MAML3: variants seen among roughly 807,000 people sequenced by gnomAD.
The protein encoded by MAML3 is mastermind-like protein 3.
MAML3 carries 27 observed loss-of-function variants against 101.9 expected under a neutral mutation model. The ratio of observed to expected loss-of-function variants is 0.27; its 90% CI spans 0.20 to 0.37. The LOEUF (loss-of-function observed/expected upper bound fraction) is 0.37. MAML3 is among the 10% of genes least tolerant of loss of function. MAML3 has a pLI of 1.00. For synonymous variants in MAML3, 501 were observed against 555.9 expected (o/e 0.90, Z 1.39); for missense variants, 1,316 against 1,444.9 (o/e 0.91, Z 1.45).
intron 2 of MAML3, among the ~76,000 whole-genome samples, chr4:139,887,485 C>G (rs545022355): frequency 6.6e-6 from 1 of 152,316 alleles, no homozygotes; most frequent in Admixed American, 6.5e-5. Flanking sequence ...AAAACATGAC[C>G]TCTGCAGCTA....
chr4:139,730,920 G>A (rs1227068571), intron 2 of MAML3: 18 of 555,170 alleles, frequency 3.2e-5, no homozygotes, highest in Non-Finnish European at 5.5e-5. Flanking sequence ...AGTCTGTTTC[G>A]GATGGGACTG....
rs1158917106 is a variant in MAML3, at chr4:139,785,788, G to T, written c.2080-55121C>A. ...GTCCTTGATTGGCAAGTGAGCAGGG[G>T]GCAGCTTGTGGTTTGGAAGCTTCTC... On this transcript the variant is annotated intron_variant, in intron 2 of 4. Coordinates refer to ENST00000509479, the MANE Select transcript of MAML3 (RefSeq NM_018717.5). This position sits in a 1 kb window ranked among gnomAD's most constrained non-coding sequence, Gnocchi z 4.3. Among the ~76,000 whole-genome samples, 1 of 152,134 alleles carries T rather than the reference G, an allele frequency of 6.6e-6. No homozygotes were observed. The highest frequency in any genetic ancestry group is 1.5e-5 in the Non-Finnish European group (1 of 68,022).
Position 139,719,346 on chromosome 4 carries a change from C to G in MAML3, c.3394G>C (p.Asp1132His). 1.3e-6 allele frequency: 2 copies of G among 1,597,008 alleles called. No individual in the cohort carries two copies. Among genetic ancestry groups the G allele is most frequent in the Non-Finnish European group, 1.7e-6 (2 of 1,169,442 alleles). The change falls in exon 5 of 5, where the codon GAT (aspartate) becomes CAT (histidine). Residue 1132 changes from aspartate (D) to histidine (H), a missense_variant. Coordinates refer to ENST00000509479, the MANE Select transcript of MAML3 (RefSeq NM_018717.5). Reference protein sequence around the residue: ...GPGDEWMQELDELFGNP With the variant: ...GPGDEWMQELHELFGNP ...GATTAGGGGTTACCAAACAATTCAT[C>G]AAGCTCCTGCATCCACTCGTCCCCT...
intron 4 of MAML3, among the ~76,000 whole-genome samples, chr4:139,721,484 A>C (rs769187696): frequency 2.4e-4 from 36 of 152,338 alleles, no homozygotes; most frequent in Middle Eastern, 3.4e-3. Context: ...CCCACCTGGA[A>C]CTGTGATGAG....
At chr4:139,924,893 G>A (rs1176398871) in intron 1 of MAML3, among the ~76,000 whole-genome samples, 3 of 152,098 alleles carry the variant, frequency 2.0e-5, no homozygotes, top group Admixed American at 2.0e-4. Flanking sequence ...AATGCTTCAT[G>A]AGAAATAAAA....
At position 140,011,337 on chromosome 4, in the gene MAML3, G is replaced by GT. The variant is rs1394373852; in HGVS notation, c.469-120371dup. On this transcript the variant is annotated intron_variant, in intron 1 of 4. Transcript: ENST00000509479. ...GATTGGTTTTACTCAAGGTTTTCTTGTTTTGTTTTTTTTTTTTTGAGACGG... is the reference window on the plus strand; with the variant it reads ...GATTGGTTTTACTCAAGGTTTTCTTGTTTTTGTTTTTTTTTTTTTGAGACGG... 9.1e-5 allele frequency among the ~76,000 whole-genome samples: 10 copies of GT among 109,812 alleles called. 1 individual carries two copies. Among genetic ancestry groups the GT allele is most frequent in the Admixed American group, 2.2e-4 (2 of 8,892 alleles). The allele number at this position is 109,812 out of a possible 152,430, so 72.0% of individuals were successfully genotyped here. A position where few individuals can be genotyped will look rare whatever the true frequency, so the allele number is the denominator to read the frequency against.
At chr4:139,989,674 C>T (rs1052118082) in intron 1 of MAML3, among the ~76,000 whole-genome samples, 2 of 152,128 alleles carry the variant, frequency 1.3e-5, no homozygotes, top group African/African-American at 4.8e-5. Flanking sequence ...TCTTCCTACC[C>T]AGGTGTTTTT....
In MAML3 at chr4:139,720,105, T is replaced by G; in HGVS notation, c.2635A>C (p.Thr879Pro). 6.2e-7 allele frequency: 1 copy of G among 1,614,102 alleles called. No homozygotes were observed. The highest frequency in any genetic ancestry group is 8.5e-7 in the Non-Finnish European group (1 of 1,179,916). Residue 879 changes from threonine (T) to proline (P), a missense_variant, in exon 5 of 5, where the codon ACC becomes CCC. By Grantham distance (38) the Thr-to-Pro change is conservative. Coordinates refer to ENST00000509479, the MANE Select transcript of MAML3 (RefSeq NM_018717.5). Reference protein sequence around the residue: ...PGMYNMSTGMTQMLQHPNQSG... With the variant: ...PGMYNMSTGMPQMLQHPNQSG... Reference sequence around the variant, plus strand: ...TGGTTTGGATGCTGCAACATTTGGGTCATGCCTGTGCTCATATTGTACATT... The same window carrying G: ...TGGTTTGGATGCTGCAACATTTGGGGCATGCCTGTGCTCATATTGTACATT...
rs1444416982 is a variant in MAML3, at chr4:139,864,927, T to G, written c.2079+24430A>C. 1.2e-3 allele frequency among the ~76,000 whole-genome samples: 156 copies of G among 131,030 alleles called. 7 individuals are homozygous for G. The highest frequency in any genetic ancestry group is 3.5e-3 in the Middle Eastern group (1 of 282). 86.0% of individuals were successfully genotyped at this position (131,030 alleles called of 152,430 possible). A position where few individuals can be genotyped will look rare whatever the true frequency, so the allele number is the denominator to read the frequency against. On this transcript the variant is annotated intron_variant, in intron 2 of 4. Transcript: ENST00000509479. ...GAAAATAGTAATGCAAACTTGCTTTTTTTTTTTTTTTTTTTTTTTTTTTTT... is the reference window on the plus strand; with the variant it reads ...GAAAATAGTAATGCAAACTTGCTTTGTTTTTTTTTTTTTTTTTTTTTTTTT...
chr4:139,846,468 C>T (rs142373214), intron 2 of MAML3, among the ~76,000 whole-genome samples: 116 of 152,262 alleles, frequency 7.6e-4, no homozygotes, highest in African/African-American at 2.7e-3. Flanking sequence ...CTACCTCAGC[C>T]TCCCAAGTAG....
intron 2 of MAML3, among the ~76,000 whole-genome samples, chr4:139,845,314 T>C (rs537442014): frequency 1.3e-5 from 2 of 152,264 alleles, no homozygotes; most frequent in Admixed American, 1.3e-4. Context: ...AGGCTCAATG[T>C]GGACATGGGA....
intron 1 of MAML3, among the ~76,000 whole-genome samples, chr4:140,079,123 G>A (rs1727824724): frequency 6.6e-6 from 1 of 152,162 alleles, no homozygotes; most frequent in African/African-American, 2.4e-5. Flanking sequence ...CCACTGGTAA[G>A]GAGACCTCTG....
chr4:139,791,392 G>C (rs553631188), intron 2 of MAML3, among the ~76,000 whole-genome samples: 1 of 151,702 alleles, frequency 6.6e-6, no homozygotes. Flanking sequence ...AGCTACTCTC[G>C]GGAGGCTGAA....
chr4:139,921,376 T>C (rs985113731), intron 1 of MAML3, among the ~76,000 whole-genome samples: 19 of 152,164 alleles, frequency 1.2e-4, no homozygotes, highest in Non-Finnish European at 7.3e-5. Context: ...TACCCTCTCC[T>C]GAGCTGCTCA....
rs879442030 is a variant in MAML3, at chr4:140,096,258, G to A, written c.468+56602C>T. On this transcript the variant is annotated intron_variant, in intron 1 of 4. Coordinates refer to ENST00000509479, the MANE Select transcript of MAML3 (RefSeq NM_018717.5). ...TGAAGATGATGACGGTGACAATGAC[G>A]TCAACCAGGACAGGAAACTGGAGAT... 5.1e-4 allele frequency among the ~76,000 whole-genome samples: 78 copies of A among 152,274 alleles called. 1 individual carries two copies. The highest frequency in any genetic ancestry group is 1.0e-3 in the Non-Finnish European group (68 of 68,008).
chr4:139,895,354 T>G (rs752161789), intron 1 of MAML3, among the ~76,000 whole-genome samples: 3 of 152,238 alleles, frequency 2.0e-5, no homozygotes. Context: ...CCATTTTGTT[T>G]CCAGTAGCTC....
chr4:140,042,331 G>T (rs1226787142), intron 1 of MAML3, among the ~76,000 whole-genome samples: 1 of 152,166 alleles, frequency 6.6e-6, no homozygotes, highest in African/African-American at 2.4e-5. Context: ...CCTCACAGTT[G>T]TCCCTCCCCT....
intron 1 of MAML3, among the ~76,000 whole-genome samples, chr4:139,962,936 G>A (rs1734047937): frequency 6.6e-6 from 1 of 152,090 alleles, no homozygotes; most frequent in African/African-American, 2.4e-5. Context: ...GGAGACTACA[G>A]CCAGGTAAAG....
chr4:140,066,596 G>A (rs1467831698), intron 1 of MAML3, among the ~76,000 whole-genome samples: 1 of 152,120 alleles, frequency 6.6e-6, no homozygotes, highest in African/African-American at 2.4e-5. Context: ...TTCCAATTTA[G>A]TTCAGAATAC....
Sources: gnomAD v4.1 joint callset for allele counts (sites outside exome capture counted in the v4.1 genomes callset) on GRCh38, gnomAD v4.1.1 for gene constraint, Gnocchi (gnomAD v3.1) non-coding constraint, MANE v1.5 for transcripts, NCBI Gene and HGNC (gene_info 2026-07-23, HGNC 2026-07-21) for gene names.